RGS6: variants seen among roughly 807,000 people sequenced by gnomAD.
The protein encoded by RGS6 is regulator of G-protein signaling 6.
A neutral mutation model predicts 78.5 loss-of-function variants in RGS6; 30 were observed. The ratio of observed to expected loss-of-function variants is 0.38; its 90% CI spans 0.29 to 0.52. RGS6 has a LOEUF of 0.52. Among genes scored for constraint, RGS6 ranks in the 20% least tolerant of loss-of-function variants. The pLI is 0.85. For missense variants in RGS6, 495 were observed against 609.7 expected (o/e 0.81, Z 1.98); for synonymous variants, 206 against 206.0 (o/e 1.00, Z 0.00).
chr14:71,872,482 T>C, the RGS6 span, among the ~76,000 whole-genome samples: 2 of 152,138 alleles, frequency 1.3e-5, no homozygotes, highest in African/African-American at 2.4e-5. Flanking sequence ...TATGGATACT[T>C]GGGTCTCTTG....
intron 1 of RGS6, among the ~76,000 whole-genome samples, chr14:71,935,274 T>A (rs978995914): frequency 6.6e-6 from 1 of 152,194 alleles, no homozygotes; most frequent in Non-Finnish European, 1.5e-5. Context: ...ATTGAAACAG[T>A]TCAGGAAAAT....
chr14:71,892,897 T>A, the RGS6 span, among the ~76,000 whole-genome samples: 2 of 152,248 alleles, frequency 1.3e-5, no homozygotes, highest in Non-Finnish European at 2.9e-5. Flanking sequence ...ACAGGAATAG[T>A]GTAACGAGAT....
At position 72,371,177 on chromosome 14, in the gene RGS6, TTTC is replaced by T. The variant is rs202190277; in HGVS notation, c.184+18989_184+18991del. Among the ~76,000 whole-genome samples the T allele has an allele frequency of 8.3e-3, 1,267 of 152,342 alleles. 6 individuals are homozygous for T. Among genetic ancestry groups the T allele is most frequent in the South Asian group, 0.021 (102 of 4,824 alleles). Reference sequence around the variant, plus strand: ...CATGTTTTATTTAAATGTATGAATTTTTCTTCTTATGGGATTCACTTTAGTAAC... The same window carrying T: ...CATGTTTTATTTAAATGTATGAATTTTTCTTATGGGATTCACTTTAGTAAC... On this transcript the variant is annotated intron_variant, in intron 3 of 17. Coordinates refer to ENST00000553525, the MANE Select transcript of RGS6 (RefSeq NM_001204424.2).
At chr14:72,255,985 T>C (rs1475949016) in intron 2 of RGS6, among the ~76,000 whole-genome samples, 1 of 152,234 alleles carries the variant, frequency 6.6e-6, no homozygotes, top group Non-Finnish European at 1.5e-5. Context: ...TATTAAATGT[T>C]TTTAAATTTA....
intron 4 of RGS6, among the ~76,000 whole-genome samples, chr14:72,457,938 A>T (rs1472641877): frequency 1.3e-5 from 2 of 152,202 alleles, no homozygotes; most frequent in African/African-American, 4.8e-5. Flanking sequence ...CAATCACTTC[A>T]TGTGAAATAT....
At chr14:72,386,884 A>T (rs2088252425) in intron 3 of RGS6, among the ~76,000 whole-genome samples, 1 of 152,190 alleles carries the variant, frequency 6.6e-6, no homozygotes, top group Non-Finnish European at 1.5e-5. Flanking sequence ...CAGAAAACAG[A>T]TCAATGATTT....
At chr14:71,946,409 C>G (rs771402112) in intron 1 of RGS6, among the ~76,000 whole-genome samples, 13 of 152,124 alleles carry the variant, frequency 8.5e-5, no homozygotes, top group Non-Finnish European at 1.3e-4. Context: ...GGCCTGGGGT[C>G]TCTGCTGCTC....
rs543405316 is a variant in RGS6, at chr14:71,939,105, G to A, written c.-21+6164G>A. 5.7e-4 allele frequency among the ~76,000 whole-genome samples: 87 copies of A among 152,274 alleles called. 1 individual carries two copies. The highest frequency in any genetic ancestry group is 2.0e-3 in the African/African-American group (85 of 41,566). On this transcript the variant is annotated intron_variant, in intron 1 of 17. Coordinates refer to ENST00000553525, the MANE Select transcript of RGS6 (RefSeq NM_001204424.2). ...CCACTCAAAACTGGCAGCCTTTCGG[G>A]TCACTCAATAAATGGGCCGGAGTAA... is the stretch of plus-strand genomic sequence containing the variant.
chr14:71,915,268 A>G, the RGS6 span, among the ~76,000 whole-genome samples: 7 of 151,788 alleles, frequency 4.6e-5, no homozygotes, highest in Non-Finnish European at 8.8e-5. Flanking sequence ...AAAAAAAAAA[A>G]GAAAAAGTTC....
intron 2 of RGS6, among the ~76,000 whole-genome samples, chr14:71,992,978 C>A (rs4902965): frequency 0.079 from 11,978 of 152,178 alleles, 628 homozygotes; most frequent in East Asian, 0.21. Flanking sequence ...TTTGTTGGAG[C>A]CTTTTATGTA....
intron 3 of RGS6, among the ~76,000 whole-genome samples, chr14:72,408,486 A>G (rs1207065401): frequency 6.6e-6 from 1 of 152,160 alleles, no homozygotes; most frequent in Non-Finnish European, 1.5e-5. Flanking sequence ...TTGACTTTAA[A>G]TGTTTGCAAG....
chr14:72,298,675 C>T (rs1289632000), intron 2 of RGS6, among the ~76,000 whole-genome samples: 3 of 152,050 alleles, frequency 2.0e-5, no homozygotes, highest in Non-Finnish European at 2.9e-5. Flanking sequence ...GTCTCCATCT[C>T]CTGACCTCGT....
chr14:72,206,443 A>G (rs534502937), intron 2 of RGS6, among the ~76,000 whole-genome samples: 7 of 152,340 alleles, frequency 4.6e-5, no homozygotes, highest in African/African-American at 1.4e-4. Context: ...TATTATATAT[A>G]TAATTTCTGT....
At chr14:72,521,076 G>A (rs868612863) in intron 15 of RGS6, among the ~76,000 whole-genome samples, 1 of 152,208 alleles carries the variant, frequency 6.6e-6, no homozygotes, top group Non-Finnish European at 1.5e-5. Context: ...GCTAGGAAAT[G>A]TGTTGCTGTT....
At chr14:72,313,496 G>A (rs566090466) in intron 2 of RGS6, among the ~76,000 whole-genome samples, 2 of 152,102 alleles carry the variant, frequency 1.3e-5, no homozygotes, top group East Asian at 3.9e-4. Context: ...ATCCCTGGGA[G>A]GGGGGGCTTG....
intron 2 of RGS6, among the ~76,000 whole-genome samples, chr14:72,249,270 A>G (rs2055024486): frequency 6.6e-6 from 1 of 152,244 alleles, no homozygotes; most frequent in African/African-American, 2.4e-5. Context: ...CAGGAAAAGC[A>G]TCATAAACAA....
chr14:71,985,611 T>A (rs1005748803), intron 2 of RGS6, among the ~76,000 whole-genome samples: 9 of 152,220 alleles, frequency 5.9e-5, no homozygotes, highest in African/African-American at 2.2e-4. Context: ...ACTGGGCTTC[T>A]CTGGGTTGTT....
At chr14:72,558,091 T>C (rs938108330) in intron 17 of RGS6, among the ~76,000 whole-genome samples, 1 of 152,156 alleles carries the variant, frequency 6.6e-6, no homozygotes, top group Admixed American at 6.5e-5. Flanking sequence ...GTGTAACGTA[T>C]ACCCCATCAC....
chr14:72,293,625 A>T (rs982304877), intron 2 of RGS6, among the ~76,000 whole-genome samples: 44 of 152,192 alleles, frequency 2.9e-4, no homozygotes, highest in African/African-American at 1.0e-3. Flanking sequence ...ATTGCATTTT[A>T]TTTAAAAGCA....
Sources: gnomAD v4.1 joint callset for allele counts (sites outside exome capture counted in the v4.1 genomes callset) on GRCh38, gnomAD v4.1.1 for gene constraint, MANE v1.5 for transcripts, NCBI Gene and HGNC (gene_info 2026-07-23, HGNC 2026-07-21) for gene names.